SENP7: variants seen among roughly 807,000 people sequenced by gnomAD.
SENP7 encodes the protein SUMO specific peptidase 7.
In SENP7, 64 loss-of-function variants were observed where a neutral mutation model predicts 141.2. That is an observed-to-expected ratio of 0.45 (90% CI 0.37 to 0.56). The LOEUF (loss-of-function observed/expected upper bound fraction) is 0.56, where lower values mean the gene tolerates loss of function less well. Ranked by LOEUF, SENP7 falls within the 20% of genes least tolerant of loss-of-function variation. The probability of loss-of-function intolerance (pLI) is 0.00; values close to 1 mark genes in which losing one functional copy is unlikely to be tolerated. For missense variants in SENP7, 1,025 were observed against 1,212.2 expected, an observed-to-expected ratio of 0.85 and a Z score of 2.29; for synonymous variants, 382 against 426.4, an observed-to-expected ratio of 0.90 and a Z score of 1.28.
intron 4 of SENP7, among the ~76,000 whole-genome samples, chr3:101,450,958 T>C (rs1321216858): frequency 6.6e-6 from 1 of 152,018 alleles, no homozygotes; most frequent in Non-Finnish European, 1.5e-5. Context: ...ACAAAATTGA[T>C]AGACCACTAG....
Position 101,330,380 on chromosome 3 carries a change from T to C in SENP7, c.2705A>G (p.Asp902Gly), listed in dbSNP as rs2059017130. The C allele has an allele frequency of 6.2e-7, 1 of 1,604,362 alleles. No individual in the cohort carries two copies. Among genetic ancestry groups the C allele is most frequent in the Admixed American group, 1.7e-5 (1 of 59,744 alleles). The change falls in exon 20 of 24, where the codon GAT becomes GGT. Residue 902 changes from aspartate to glycine, a missense_variant. Asp to Gly is a moderately conservative substitution (Grantham distance 94, BLOSUM62 -1). Coordinates refer to ENST00000394095, the MANE Select transcript of SENP7 (RefSeq NM_020654.5). Reference sequence around the variant, plus strand: ...AGACAGTGTCGAAGTAGTACGTAGATCATTATCTAGTTAGAAATAATTAAG... The same window carrying C: ...AGACAGTGTCGAAGTAGTACGTAGACCATTATCTAGTTAGAAATAATTAAG... ...SQNDNKTIDNDLRTTSTLSLS... is the reference protein window; with the variant it reads ...SQNDNKTIDNGLRTTSTLSLS...
intron 6 of SENP7, among the ~76,000 whole-genome samples, chr3:101,391,664 G>A (rs941602593): frequency 5.3e-5 from 8 of 152,300 alleles, no homozygotes; most frequent in African/African-American, 1.7e-4. Context: ...ATCTTATAGA[G>A]AGGAACTAAC....
rs781190262 is a variant in SENP7, at chr3:101,398,875, A to C, written c.663T>G (p.Cys221Trp). 4 of 1,596,340 alleles carry C rather than the reference A, an allele frequency of 2.5e-6. No individual in the cohort carries two copies. In the African/African-American group the frequency reaches 5.4e-5, roughly 21 times the overall value. Residue 221 changes from cysteine to tryptophan, a missense_variant, in exon 6 of 24, where the codon TGT (cysteine) becomes TGG (tryptophan). By Grantham distance (215) the Cys-to-Trp change is radical (BLOSUM62 -2). Coordinates refer to ENST00000394095, the MANE Select transcript of SENP7 (RefSeq NM_020654.5). ...ACTAAACATACCTTTCAGATAAATA[A>C]CAGCTCTTGTGAGGGTTTAGATTTT... ...SYQNLNPHKS[C>W]YLSERGSQRS...
intron 5 of SENP7, among the ~76,000 whole-genome samples, chr3:101,406,129 G>A (rs2061294820): frequency 6.6e-6 from 1 of 152,128 alleles, no homozygotes; most frequent in Non-Finnish European, 1.5e-5. Flanking sequence ...AAAGACATAT[G>A]CACACATATG....
rs189320324 is a variant in SENP7, at chr3:101,486,345, A to C, written c.186+7528T>G. ...AGACAAGACAAAGGAAAGAATCTTA[A>C]GAGCTGTGAGACAGAAGCACCAGCT... On this transcript the variant is annotated intron_variant, in intron 3 of 23. Transcript: ENST00000394095. 2.6e-5 allele frequency among the ~76,000 whole-genome samples: 4 copies of C among 152,312 alleles called. No individual in the cohort carries two copies. The East Asian group carries it at 7.7e-4, about 29-fold the overall frequency.
intron 3 of SENP7, among the ~76,000 whole-genome samples, chr3:101,465,109 C>T (rs1259539890): frequency 6.6e-6 from 1 of 152,046 alleles, no homozygotes; most frequent in Non-Finnish European, 1.5e-5. Flanking sequence ...AACCTACCCA[C>T]CTACTGCTAC....
chr3:101,466,381 A>G (rs2063757245), intron 3 of SENP7, among the ~76,000 whole-genome samples: 1 of 152,194 alleles, frequency 6.6e-6, no homozygotes, highest in Non-Finnish European at 1.5e-5. Flanking sequence ...ATATCAAATC[A>G]CACATAAGAA....
At chr3:101,388,016 G>A (rs544119209) in intron 6 of SENP7, among the ~76,000 whole-genome samples, 7 of 138,106 alleles carry the variant, frequency 5.1e-5, no homozygotes, top group South Asian at 2.3e-4. Flanking sequence ...CTGGAAGTTC[G>A]GGGACTGGCT....
At chr3:101,426,976 A>G (rs889441030) in intron 4 of SENP7, among the ~76,000 whole-genome samples, 11 of 152,334 alleles carry the variant, frequency 7.2e-5, no homozygotes, top group Middle Eastern at 6.8e-3. Context: ...ATAACTAGCT[A>G]ACATCCCCAA....
intron 13 of SENP7, among the ~76,000 whole-genome samples, chr3:101,346,441 A>G (rs2059455884): frequency 6.6e-6 from 1 of 152,224 alleles, no homozygotes; most frequent in Non-Finnish European, 1.5e-5. Context: ...TCAATATACA[A>G]AAAAGATACT....
intron 5 of SENP7, chr3:101,414,329 G>C: frequency 1.3e-6 from 1 of 760,828 alleles, no homozygotes; most frequent in Middle Eastern, 2.7e-4. Context: ...TGCAGCACCA[G>C]CTGCTGTGAG....
At chr3:101,457,500 G>A in intron 4 of SENP7, 3 of 1,609,596 alleles carry the variant, frequency 1.9e-6, no homozygotes, top group Non-Finnish European at 2.5e-6. Flanking sequence ...CTGAACTTTA[G>A]GGTTGTTAAA....
chr3:101,466,835 G>C (rs1302500873), intron 3 of SENP7, among the ~76,000 whole-genome samples: 1 of 152,190 alleles, frequency 6.6e-6, no homozygotes, highest in African/African-American at 2.4e-5. Context: ...GGACTGGCTG[G>C]ACAGTAGGTG....
intron 3 of SENP7, among the ~76,000 whole-genome samples, chr3:101,476,788 C>T (rs2064236382): frequency 6.6e-6 from 1 of 152,160 alleles, no homozygotes; most frequent in African/African-American, 2.4e-5. Flanking sequence ...TTAATGATTG[C>T]CATTCTAAAT....
At chr3:101,469,780 C>T (rs1192654380) in intron 3 of SENP7, among the ~76,000 whole-genome samples, 1 of 95,316 alleles carries the variant, frequency 1.0e-5, no homozygotes, top group Non-Finnish European at 2.2e-5. Context: ...GCCGAGATTG[C>T]GCCACTGCAG....
intron 4 of SENP7, among the ~76,000 whole-genome samples, chr3:101,425,447 AC>A (rs772780208): frequency 6.6e-6 from 1 of 152,116 alleles, no homozygotes; most frequent in Non-Finnish European, 1.5e-5. Flanking sequence ...CAGTTGGCTG[AC>A]TCCACTTTTT....
rs142669450 is a variant in SENP7, at chr3:101,388,600, G to T, written c.677+10261C>A. ...ATAAGAAACATGAAAAAGGAAACAT[G>T]ACATGTACAAAGGAATATAATAATT... On this transcript the variant is annotated intron_variant, in intron 6 of 23. Coordinates refer to ENST00000394095, the MANE Select transcript of SENP7 (RefSeq NM_020654.5). Among the ~76,000 whole-genome samples the T allele has an allele frequency of 5.5e-3, 841 of 152,106 alleles. 7 individuals carry two copies. The highest frequency in any genetic ancestry group is 0.018 in the African/African-American group (729 of 41,472).
chr3:101,420,300 G>A (rs1186117419), intron 4 of SENP7, among the ~76,000 whole-genome samples: 4 of 152,104 alleles, frequency 2.6e-5, no homozygotes, highest in South Asian at 2.1e-4. Context: ...CCCAGGAGGC[G>A]GAGCTTGCAG....
intron 3 of SENP7, among the ~76,000 whole-genome samples, chr3:101,481,298 T>C (rs754479289): frequency 5.3e-5 from 8 of 152,130 alleles, no homozygotes; most frequent in Non-Finnish European, 1.0e-4. Flanking sequence ...TTAAACATAA[T>C]TTGGCCATAA....
Sources: allele counts gnomAD v4.1 joint callset (sites outside exome capture counted in the v4.1 genomes callset), GRCh38; gene constraint gnomAD v4.1.1; transcripts MANE v1.5; gene names NCBI Gene and HGNC (gene_info 2026-07-23, HGNC 2026-07-21).